CCDC178: variants seen among roughly 807,000 people sequenced by gnomAD.
CCDC178 encodes the protein coiled-coil domain containing 178.
In CCDC178, 126 loss-of-function variants were observed where a neutral mutation model predicts 117.4. The ratio of observed to expected loss-of-function variants is 1.07; its 90% CI spans 0.93 to 1.24. CCDC178 has a LOEUF of 1.24. Ranked by LOEUF, CCDC178 falls within the 50% of genes most tolerant of loss-of-function variation. CCDC178 has a pLI of 0.00. For synonymous variants in CCDC178, 283 were observed against 313.4 expected, an observed-to-expected ratio of 0.90 and a Z score of 1.02; for missense variants, 1,030 against 986.9, an observed-to-expected ratio of 1.04 and a Z score of -0.59.
chr18:32,967,687 C>T (rs2054844041), intron 22 of CCDC178, among the ~76,000 whole-genome samples: 1 of 151,466 alleles, frequency 6.6e-6, no homozygotes, highest in Non-Finnish European at 1.5e-5. Flanking sequence ...TCTTCCTGTA[C>T]TCCTTGCATT....
intron 20 of CCDC178, among the ~76,000 whole-genome samples, chr18:33,204,709 T>C (rs2059029300): frequency 6.6e-6 from 1 of 152,174 alleles, no homozygotes; most frequent in Non-Finnish European, 1.5e-5. Flanking sequence ...AAGAGATGTA[T>C]TGATATTAAA....
chr18:33,403,699 C>T (rs1194720286), intron 3 of CCDC178, among the ~76,000 whole-genome samples: 3 of 152,172 alleles, frequency 2.0e-5, no homozygotes, highest in Non-Finnish European at 4.4e-5. Context: ...TGTAAACTGA[C>T]ACCCCAAAAA....
At chr18:33,164,451 G>T (rs116594453) in intron 20 of CCDC178, among the ~76,000 whole-genome samples, 1 of 151,974 alleles carries the variant, frequency 6.6e-6, no homozygotes, top group Non-Finnish European at 1.5e-5. Context: ...ATTAAGAAAC[G>T]CAAAAGGCTT....
chr18:33,416,503 T>A (rs1192230622), intron 2 of CCDC178, among the ~76,000 whole-genome samples: 1 of 151,896 alleles, frequency 6.6e-6, no homozygotes, highest in East Asian at 1.9e-4. Flanking sequence ...CTGGATAGGC[T>A]ATAATGAGGA....
At chr18:33,203,089 A>G (rs562634717) in intron 20 of CCDC178, among the ~76,000 whole-genome samples, 1 of 152,318 alleles carries the variant, frequency 6.6e-6, no homozygotes, top group African/African-American at 2.4e-5. Context: ...GGATATTAGC[A>G]TAATTTCCTC....
intron 11 of CCDC178, among the ~76,000 whole-genome samples, chr18:33,297,517 A>T (rs1041864350): frequency 6.6e-6 from 1 of 152,184 alleles, no homozygotes; most frequent in Non-Finnish European, 1.5e-5. Flanking sequence ...CAAAAAATAA[A>T]AGTATAATTA....
At chr18:33,071,391 G>A (rs956417625) in intron 21 of CCDC178, among the ~76,000 whole-genome samples, 9 of 151,986 alleles carry the variant, frequency 5.9e-5, no homozygotes, top group Non-Finnish European at 1.0e-4. Context: ...GGCAAAATAC[G>A]TATGTATTTT....
intron 2 of CCDC178, among the ~76,000 whole-genome samples, chr18:33,416,011 T>C (rs1162763391): frequency 6.6e-6 from 1 of 152,108 alleles, no homozygotes. Context: ...CCAATGGGTA[T>C]AGACAAAATA....
chr18:33,399,381 C>G (rs2063681046), intron 3 of CCDC178, among the ~76,000 whole-genome samples: 1 of 152,126 alleles, frequency 6.6e-6, no homozygotes, highest in Admixed American at 6.5e-5. Context: ...TGGATTAACC[C>G]TTTTACAAAA....
chr18:33,207,135 T>C (rs2059053204), intron 20 of CCDC178, among the ~76,000 whole-genome samples: 1 of 152,138 alleles, frequency 6.6e-6, no homozygotes, highest in African/African-American at 2.4e-5. Flanking sequence ...CATATCTTGA[T>C]AGTATCGTGA....
intron 20 of CCDC178, among the ~76,000 whole-genome samples, chr18:33,131,057 A>G (rs376503019): frequency 2.0e-4 from 31 of 151,912 alleles, no homozygotes; most frequent in African/African-American, 7.0e-4. Context: ...AAATGTGCCT[A>G]TTATATAAGG....
intron 20 of CCDC178, among the ~76,000 whole-genome samples, chr18:33,187,195 G>A (rs1485080087): frequency 3.3e-5 from 5 of 151,844 alleles, no homozygotes; most frequent in African/African-American, 9.7e-5. Flanking sequence ...AACAGCATGG[G>A]GGAAACCAAC....
intron 2 of CCDC178, among the ~76,000 whole-genome samples, chr18:33,430,438 C>A (rs2064196227): frequency 6.6e-6 from 1 of 152,156 alleles, no homozygotes; most frequent in Non-Finnish European, 1.5e-5. Context: ...ATTTGCCGGC[C>A]TCTCTTGAAG....
intron 2 of CCDC178, among the ~76,000 whole-genome samples, chr18:33,417,284 C>A (rs954496097): frequency 6.6e-6 from 1 of 152,082 alleles, no homozygotes; most frequent in Non-Finnish European, 1.5e-5. Flanking sequence ...TTGATACATG[C>A]AACAATTTTG....
At chr18:33,179,077 AAATATATATATATAT>A (rs2058698175) in intron 20 of CCDC178, among the ~76,000 whole-genome samples, 1 of 88,372 alleles carries the variant, frequency 1.1e-5, no homozygotes, top group African/African-American at 6.6e-5. Flanking sequence ...AAAAAAAAAA[AAATATATATATATAT>A]ATATATATAT....
chr18:33,032,639 T>C (rs558226561), intron 21 of CCDC178, among the ~76,000 whole-genome samples: 59 of 152,204 alleles, frequency 3.9e-4, no homozygotes, highest in African/African-American at 1.4e-3. Flanking sequence ...TCTGGGGTAC[T>C]CATGGAAGGT....
intron 20 of CCDC178, among the ~76,000 whole-genome samples, chr18:33,111,761 T>C (rs1408072273): frequency 6.6e-6 from 1 of 151,672 alleles, no homozygotes; most frequent in African/African-American, 2.4e-5. Flanking sequence ...TAATAAAATC[T>C]GCTCCGTCTG....
rs1419500235 is a variant in CCDC178, at chr18:33,143,501, TA to T, written c.2239-50592del. On this transcript the variant is annotated intron_variant, in intron 20 of 22. Transcript: ENST00000383096. ...TTGTTGTAAACAGATTATGACTAAA[TA>T]AGTGTTATACAAATGCATAGAGCTA... 3.3e-5 allele frequency among the ~76,000 whole-genome samples: 5 copies of T among 152,158 alleles called. No individual in the cohort carries two copies. The East Asian group carries it at 9.6e-4, about 29-fold the overall frequency.
At chr18:33,145,728 A>G (rs1267839216) in intron 20 of CCDC178, among the ~76,000 whole-genome samples, 1 of 152,196 alleles carries the variant, frequency 6.6e-6, no homozygotes, top group Non-Finnish European at 1.5e-5. Flanking sequence ...GTGACCCTTC[A>G]GCTTTCTCTT....
Sources: allele counts gnomAD v4.1 joint callset (sites outside exome capture counted in the v4.1 genomes callset), GRCh38; gene constraint gnomAD v4.1.1; transcripts MANE v1.5; gene names NCBI Gene and HGNC (gene_info 2026-07-23, HGNC 2026-07-21).